MYL4: variants seen among roughly 807,000 people sequenced by gnomAD.
MYL4 encodes atrial myosin light chain 1.
A neutral mutation model predicts 21.6 loss-of-function variants in MYL4; 16 were observed. The observed-to-expected ratio is 0.74, with a 90% confidence interval of 0.50 to 1.12. MYL4 has a LOEUF of 1.12. Among genes scored for constraint, MYL4 ranks in the 50% most tolerant of loss-of-function variants. MYL4 has a pLI of 0.00. For missense variants in MYL4, 249 were observed against 252.9 expected (o/e 0.98, Z 0.11); for synonymous variants, 82 against 95.7 (o/e 0.86, Z 0.83).
At chr17:47,226,046 C>G (rs1407038368), downstream of MYL4, among the ~76,000 whole-genome samples, 1 of 152,012 alleles carries the variant, frequency 6.6e-6, no homozygotes. Context: ...TTCTTTCTTT[C>G]TTCAGCAAGT....
chr17:47,214,198 C>G (rs1366927269), intron 2 of MYL4, among the ~76,000 whole-genome samples: 1 of 152,170 alleles, frequency 6.6e-6, no homozygotes, highest in African/African-American at 2.4e-5. Context: ...TGCCAGACTG[C>G]TTGGAGCATA....
At chr17:47,213,248 TTACC>T (rs768228228) in intron 1 of MYL4, among the ~76,000 whole-genome samples, 7 of 152,220 alleles carry the variant, frequency 4.6e-5, no homozygotes, top group Non-Finnish European at 1.0e-4. Context: ...CCTTTCGCTC[TTACC>T]TGGAGCCATC....
downstream of MYL4, among the ~76,000 whole-genome samples, chr17:47,224,227 C>T (rs1001084067): frequency 3.9e-5 from 6 of 152,098 alleles, no homozygotes; most frequent in African/African-American, 1.4e-4. Flanking sequence ...TTCCACATGG[C>T]TGGGGAGGCC....
chr17:47,221,499 C>G (rs2064855241), intron 3 of MYL4, among the ~76,000 whole-genome samples, 183 bp from the exon 4 acceptor site: 1 of 152,148 alleles, frequency 6.6e-6, no homozygotes, highest in Non-Finnish European at 1.5e-5. Flanking sequence ...CTCCCAGTCC[C>G]CTACCTTGCT....
rs183082592 is a variant in MYL4 at position 47,201,189 on chromosome 17, A to G, written c.-35+603A>G. Among the ~76,000 whole-genome samples the G allele has an allele frequency of 1.0e-3, 152 of 152,312 alleles. 2 individuals carry two copies. The highest frequency in any genetic ancestry group is 3.5e-3 in the Admixed American group (53 of 15,298). ...GTCTCAAAAAATAAATAAGTAAAAAATAAAGTGTTGTGATAGCTAGTTTTA... is the reference window on the plus strand; with the variant it reads ...GTCTCAAAAAATAAATAAGTAAAAAGTAAAGTGTTGTGATAGCTAGTTTTA... On this transcript the variant is annotated intron_variant and NMD_transcript_variant, in intron 1 of 6. Transcript: ENST00000571981.
chr17:47,203,440 G>T lies in MYL4; in HGVS notation c.-35+2854G>T, dbSNP rs550304286. On this transcript the variant is annotated intron_variant and NMD_transcript_variant, in intron 1 of 6. Transcript: ENST00000571981. ...TTCTGCCACTTTTCAAATCTATTAT[G>T]TGCTCTATTTTGGTGATTACTTTTT... is the stretch of plus-strand genomic sequence containing the variant. 3.3e-5 allele frequency among the ~76,000 whole-genome samples: 5 copies of T among 151,814 alleles called. No individual in the cohort carries two copies. The South Asian group carries it at 1.0e-3, about 31-fold the overall frequency.
At chr17:47,195,316 G>C in the MYL4 span, among the ~76,000 whole-genome samples, 12 of 149,704 alleles carry the variant, frequency 8.0e-5, no homozygotes, top group Admixed American at 1.3e-4. Flanking sequence ...CGCAACCTCT[G>C]CCTCCCAGGT....
At chr17:47,206,842 C>T (rs1215436422), upstream of MYL4, among the ~76,000 whole-genome samples, 3 of 152,174 alleles carry the variant, frequency 2.0e-5, no homozygotes, top group Non-Finnish European at 4.4e-5. Flanking sequence ...TACAGAAATC[C>T]CAGTTTGTAT....
At chr17:47,209,117 T>G (rs2064752277), upstream of MYL4, 2 of 501,062 alleles carry the variant, frequency 4.0e-6, no homozygotes, top group Non-Finnish European at 7.1e-6. Flanking sequence ...CCTTCTGGGT[T>G]TCCACCAATT....
intron 5 of MYL4, among the ~76,000 whole-genome samples, chr17:47,222,794 G>C (rs911543057): frequency 6.6e-6 from 1 of 152,130 alleles, no homozygotes; most frequent in Non-Finnish European, 1.5e-5. Flanking sequence ...CATTCCATTT[G>C]TGTTGAGAAT....
At chr17:47,195,971 C>G (rs2064687808), upstream of MYL4, among the ~76,000 whole-genome samples, 1 of 152,150 alleles carries the variant, frequency 6.6e-6, no homozygotes, top group South Asian at 2.1e-4. Context: ...CTAATGGGAA[C>G]TTAGTATTAT....
intron 1 of MYL4, among the ~76,000 whole-genome samples, chr17:47,211,760 T>C (rs964411166): frequency 2.0e-5 from 3 of 151,800 alleles, no homozygotes; most frequent in Non-Finnish European, 4.4e-5. Flanking sequence ...TTCTCGGAGA[T>C]GAGACAGGAT....
rs907204808 is a variant in MYL4 at position 47,212,424 on chromosome 17, A to C, written c.136-1375A>C. Among the ~76,000 whole-genome samples, 6 of 152,242 alleles carry C rather than the reference A, an allele frequency of 3.9e-5. No individual in the cohort carries two copies. In the East Asian group the frequency reaches 7.7e-4, roughly 19 times the overall value. On this transcript the variant is annotated intron_variant, in intron 1 of 6. Coordinates refer to ENST00000393450, the MANE Select transcript of MYL4 (RefSeq NM_002476.2). ...AACAAGAATCCTTGCCTGAGGGAGC[A>C]GTGGCTTCAAGGAGACAGAGTGCAC... is the stretch of plus-strand genomic sequence containing the variant.
Position 47,209,431 on chromosome 17 carries a change from C to T in MYL4, c.9C>T (p.Pro3=). The T allele has an allele frequency of 6.2e-7, 1 of 1,614,188 alleles. No individual in the cohort carries two copies. The highest frequency in any genetic ancestry group is 2.2e-5 in the East Asian group (1 of 44,880). The change falls in exon 1 of 7, where the codon CCC becomes CCT. Residue 3 remains proline, a synonymous_variant. Coordinates refer to ENST00000393450, the MANE Select transcript of MYL4 (RefSeq NM_002476.2). ...GATCCCAACAAGACAACATGGCTCC[C>T]AAGAAGCCTGAGCCTAAGAAGGAGG... MA[P]KKPEPKKEAA...
chr17:47,192,960 A>G, the MYL4 span, among the ~76,000 whole-genome samples: 2,814 of 152,278 alleles, frequency 0.018, 39 homozygotes, highest in Middle Eastern at 0.071. Flanking sequence ...GGTCTATTTC[A>G]TATTCAGTCA....
At chr17:47,222,616 T>C (rs921815429) in intron 5 of MYL4, among the ~76,000 whole-genome samples, 159 bp downstream of exon 5, 1 of 152,040 alleles carries the variant, frequency 6.6e-6, no homozygotes, top group African/African-American at 2.4e-5. Context: ...GTGAACCTCC[T>C]AGTGTAATGG....
At chr17:47,213,244 G>A (rs949728877) in intron 1 of MYL4, among the ~76,000 whole-genome samples, 1 of 152,124 alleles carries the variant, frequency 6.6e-6, no homozygotes, top group Admixed American at 6.5e-5. Context: ...TTTCCCTTTC[G>A]CTCTTACCTG....
intron 2 of MYL4, 178 bp downstream of exon 2, chr17:47,214,004 G>T: frequency 1.5e-6 from 1 of 667,774 alleles, no homozygotes. Flanking sequence ...ACTTTATATG[G>T]ATTAACTCCT....
intron 1 of MYL4, among the ~76,000 whole-genome samples, chr17:47,201,325 T>C (rs571980938): frequency 3.6e-4 from 55 of 152,322 alleles, no homozygotes; most frequent in African/African-American, 1.3e-3. Flanking sequence ...CATTGCTTTT[T>C]TTTTCCTCCC....
Sources: allele counts gnomAD v4.1 joint callset (sites outside exome capture counted in the v4.1 genomes callset), GRCh38; gene constraint gnomAD v4.1.1; transcripts MANE v1.5; gene names NCBI Gene and HGNC (gene_info 2026-07-23, HGNC 2026-07-21).